The following TVP23A variants were observed in gnomAD, a reference collection of about 807,000 sequenced individuals.
TVP23A encodes the protein Golgi apparatus membrane protein TVP23 homolog A.
Under a neutral mutation model 31.7 loss-of-function variants are expected in TVP23A, and 21 were observed. That is an observed-to-expected ratio of 0.66 (90% CI 0.47 to 0.95). TVP23A has a LOEUF of 0.95. Among genes scored for constraint, TVP23A ranks in the 40% least tolerant of loss-of-function variants. The pLI, the probability that TVP23A is intolerant of heterozygous loss-of-function variation, is 0.00. For synonymous variants in TVP23A, 104 were observed against 96.0 expected, an observed-to-expected ratio of 1.08 and a Z score of -0.49; for missense variants, 279 against 255.6, an observed-to-expected ratio of 1.09 and a Z score of -0.62.
downstream of TVP23A, chr16:10,757,827 G>GA: frequency 1.3e-6 from 2 of 1,593,712 alleles, no homozygotes; most frequent in Non-Finnish European, 1.7e-6. This position sits in a 1 kb window ranked among gnomAD's most constrained non-coding sequence, Gnocchi z 4.1. Flanking sequence ...TGAAAGTACA[G>GA]AAAAGAAAGG....
chr16:10,777,453 C>T lies in TVP23A; in HGVS notation c.90-2357G>A, dbSNP rs79443007. On this transcript the variant is annotated intron_variant, in intron 2 of 7. Transcript: ENST00000299866. The surrounding 1 kb of genome is among the most constrained non-coding windows in gnomAD (Gnocchi z 4.5). ...AATGGGGTGGTCACAGAGATCCACA[C>T]AGAACTGCAGGGGAAAGCGCCTGCT... Among the ~76,000 whole-genome samples, 1 of 151,994 alleles carries T rather than the reference C, an allele frequency of 6.6e-6. No homozygotes were observed. The highest frequency in any genetic ancestry group is 6.6e-5 in the Admixed American group (1 of 15,242).
At chr16:10,816,925 TCACACACACACACACACACACACACA>T (rs58142989) in intron 2 of TVP23A, among the ~76,000 whole-genome samples, 2 of 145,910 alleles carry the variant, frequency 1.4e-5, no homozygotes, top group Admixed American at 6.9e-5. Context: ...CAGGGAAACT[TCACACACACACACACACACACACACA>T]CACACACACA....
chr16:10,759,583 G>C (rs1228229142), downstream of TVP23A, among the ~76,000 whole-genome samples: 1 of 152,146 alleles, frequency 6.6e-6, no homozygotes, highest in African/African-American at 2.4e-5. The surrounding 1 kb of genome is among the most constrained non-coding windows in gnomAD (Gnocchi z 4.7). Context: ...AGACCAGACT[G>C]GCCAATATGG....
intron 2 of TVP23A, among the ~76,000 whole-genome samples, chr16:10,776,647 T>C (rs2032044782): frequency 6.6e-6 from 1 of 152,148 alleles, no homozygotes; most frequent in African/African-American, 2.4e-5. Context: ...CAAGAAAGAA[T>C]TCAGGGCAAG....
At chr16:10,775,522 C>T in intron 2 of TVP23A, 1 of 1,036,316 alleles carries the variant, frequency 9.6e-7, no homozygotes, top group Non-Finnish European at 1.2e-6. Flanking sequence ...GGGCAGGTGT[C>T]TCATGTCATC....
At chr16:10,813,625 T>G (rs552617521) in intron 2 of TVP23A, among the ~76,000 whole-genome samples, 45 of 152,284 alleles carry the variant, frequency 3.0e-4, no homozygotes, top group Non-Finnish European at 6.5e-4. Flanking sequence ...GGATCCTTTT[T>G]CTAAAACAAC....
chr16:10,790,759 A>C (rs1173002315), intron 2 of TVP23A, among the ~76,000 whole-genome samples: 1 of 152,130 alleles, frequency 6.6e-6, no homozygotes, highest in Non-Finnish European at 1.5e-5. Flanking sequence ...GATAGGAAAA[A>C]AATTAGAGTT....
intron 2 of TVP23A, among the ~76,000 whole-genome samples, chr16:10,811,518 A>C (rs1462551906): frequency 6.6e-6 from 1 of 151,856 alleles, no homozygotes. Context: ...AATCCACCTG[A>C]CTCAGCCTCC....
At chr16:10,764,549 G>A (rs926172231), downstream of TVP23A, among the ~76,000 whole-genome samples, 1 of 150,818 alleles carries the variant, frequency 6.6e-6, no homozygotes, top group African/African-American at 2.5e-5. Context: ...TGGAGTATTT[G>A]TCTATTGGAG....
At chr16:10,770,853 G>A (rs1237739791) in intron 6 of TVP23A, among the ~76,000 whole-genome samples, 1 of 116,876 alleles carries the variant, frequency 8.6e-6, no homozygotes, top group East Asian at 2.5e-4. Flanking sequence ...TGGGAGCAGA[G>A]TGAGACTCCC....
Position 10,801,206 on chromosome 16 carries a change from G to A in TVP23A, c.89+16897C>T, listed in dbSNP as rs112521840. On this transcript the variant is annotated intron_variant, in intron 2 of 7. Transcript: ENST00000299866. Reference sequence around the variant, plus strand: ...GGATGACGAAAGAAAAAAAAAATGCGATTTCTAGGCCATCTTTAGTAGTGG... The same window carrying A: ...GGATGACGAAAGAAAAAAAAAATGCAATTTCTAGGCCATCTTTAGTAGTGG... 1.7e-4 allele frequency among the ~76,000 whole-genome samples: 26 copies of A among 152,092 alleles called. 1 individual carries two copies. Among genetic ancestry groups the A allele is most frequent in the African/African-American group, 6.3e-4 (26 of 41,498 alleles).
At chr16:10,806,921 G>A (rs1446663464) in intron 2 of TVP23A, among the ~76,000 whole-genome samples, 1 of 152,146 alleles carries the variant, frequency 6.6e-6, no homozygotes, top group African/African-American at 2.4e-5. Context: ...ACGTAATTCC[G>A]TGCCCTAATC....
chr16:10,810,540 C>G (rs894421625), intron 2 of TVP23A, among the ~76,000 whole-genome samples: 4 of 142,202 alleles, frequency 2.8e-5, no homozygotes, highest in African/African-American at 1.1e-4. Context: ...GAGCAAGACC[C>G]TGTCTCAAAA....
intron 2 of TVP23A, among the ~76,000 whole-genome samples, chr16:10,788,127 G>A (rs2032878557): frequency 6.6e-6 from 1 of 152,118 alleles, no homozygotes; most frequent in Non-Finnish European, 1.5e-5. Context: ...GGTCTGGAAA[G>A]GCAAAACAAC....
At chr16:10,813,871 C>A (rs1255794967) in intron 2 of TVP23A, among the ~76,000 whole-genome samples, 6 of 151,764 alleles carry the variant, frequency 4.0e-5, no homozygotes, top group African/African-American at 1.5e-4. Flanking sequence ...TGGTGGCACG[C>A]ACCTGTAATC....
At position 10,785,048 on chromosome 16, in the gene TVP23A, G is replaced by A. The variant is rs149984060; in HGVS notation, c.90-9952C>T. On this transcript the variant is annotated intron_variant, in intron 2 of 7. Transcript: ENST00000299866. Reference sequence around the variant, plus strand: ...GGAGGCGGTGGTTGCAGTGTGCTGAGATCACAACACTACACTCCAGCCTGG... The same window carrying A: ...GGAGGCGGTGGTTGCAGTGTGCTGAAATCACAACACTACACTCCAGCCTGG... Among the ~76,000 whole-genome samples, 533 of 148,036 alleles carry A rather than the reference G, an allele frequency of 3.6e-3. 8 individuals are homozygous for A. Among genetic ancestry groups the A allele is most frequent in the African/African-American group, 0.013 (507 of 39,984 alleles).
At chr16:10,761,419 T>C (rs749103884) in exon 9 of TVP23A, 1 of 1,614,174 alleles carries the variant, frequency 6.2e-7, no homozygotes, top group Non-Finnish European at 8.5e-7. Flanking sequence ...AAGGTGAAGC[T>C]GCCCATCATC....
At chr16:10,775,744 CTTTTTT>C (rs1004091841) in intron 2 of TVP23A, among the ~76,000 whole-genome samples, 14 of 94,562 alleles carry the variant, frequency 1.5e-4, no homozygotes, top group Non-Finnish European at 2.3e-4. Flanking sequence ...AATTGCTTTT[CTTTTTT>C]TTTTTTTTTT....
intron 2 of TVP23A, among the ~76,000 whole-genome samples, chr16:10,801,976 A>G (rs571531003): frequency 6.6e-6 from 1 of 152,072 alleles, no homozygotes; most frequent in African/African-American, 2.4e-5. Flanking sequence ...CCCTGGCGCA[A>G]TATAGCAAGA....
Sources: gnomAD v4.1 joint callset for allele counts (sites outside exome capture counted in the v4.1 genomes callset) on GRCh38, gnomAD v4.1.1 for gene constraint, Gnocchi (gnomAD v3.1) non-coding constraint, MANE v1.5 for transcripts, NCBI Gene and HGNC (gene_info 2026-07-23, HGNC 2026-07-21) for gene names.